Variants in PDILT observed in about 807,000 individuals in gnomAD.
The protein encoded by PDILT is protein disulfide-isomerase-like protein of the testis.
In PDILT, 43 loss-of-function variants were observed where a neutral mutation model predicts 53.7. That is an observed-to-expected ratio of 0.80 (90% CI 0.63 to 1.03). The LOEUF (loss-of-function observed/expected upper bound fraction) is 1.03. PDILT is among the 50% of genes least tolerant of loss of function. The pLI is 0.00. For missense variants in PDILT, 727 were observed against 712.3 expected, an observed-to-expected ratio of 1.02 and a Z score of -0.24; for synonymous variants, 282 against 274.2, an observed-to-expected ratio of 1.03 and a Z score of -0.28.
At chr16:20,371,926 T>C (rs1438057480) in intron 7 of PDILT, among the ~76,000 whole-genome samples, 1 of 152,210 alleles carries the variant, frequency 6.6e-6, no homozygotes, top group Non-Finnish European at 1.5e-5. Flanking sequence ...GAATGTAGCA[T>C]GACCATTACT....
chr16:20,367,026 T>TC lies in PDILT; in HGVS notation c.1117-1487dup, dbSNP rs1491482367. ...TTTATTTATTTCTCTCTCTCTTTCT[T>TC]CTTTCTTTCTTTCTTTCTTTCTTTC... On this transcript the variant is annotated intron_variant, in intron 8 of 11. Coordinates refer to ENST00000302451, the MANE Select transcript of PDILT (RefSeq NM_174924.2). Among the ~76,000 whole-genome samples, 35 of 4,536 alleles carry TC rather than the reference T, an allele frequency of 7.7e-3. 3 individuals carry two copies. The highest frequency in any genetic ancestry group is 0.042 in the South Asian group (6 of 142). 3.0% of individuals were successfully genotyped at this position (4,536 alleles called of 152,430 possible).
intron 2 of PDILT, among the ~76,000 whole-genome samples, chr16:20,397,469 T>A (rs1439143768): frequency 6.6e-6 from 1 of 152,138 alleles, no homozygotes; most frequent in Non-Finnish European, 1.5e-5. Flanking sequence ...TTCCCCATTT[T>A]ACAGTCAAGT....
At chr16:20,393,424 C>T (rs1407787751) in intron 2 of PDILT, among the ~76,000 whole-genome samples, 2 of 152,186 alleles carry the variant, frequency 1.3e-5, no homozygotes, top group African/African-American at 2.4e-5. Flanking sequence ...ATTGATGAAA[C>T]TTCAAGCAAC....
chr16:20,359,185 G>A lies in PDILT; in HGVS notation c.*134C>T. On this transcript the variant is annotated 3_prime_UTR_variant, in exon 12 of 12. Transcript: ENST00000302451. ...TAAAACAGAGCCAAGGACACTCAGA[G>A]GCTTTATTATCCACCCCTACCCCCG... 2 of 1,402,488 alleles carry A rather than the reference G, an allele frequency of 1.4e-6. No homozygotes were observed. Among genetic ancestry groups the A allele is most frequent in the South Asian group, 1.4e-5 (1 of 70,958 alleles). The allele number at this position is 1,402,488 out of a possible 1,614,324, so 86.9% of individuals were successfully genotyped here.
chr16:20,395,159 A>T (rs28378477), intron 2 of PDILT, among the ~76,000 whole-genome samples: 23,078 of 152,170 alleles, frequency 0.15, 2,247 homozygotes, highest in African/African-American at 0.27. Context: ...CTTGGATCTT[A>T]TGGCAAATAC....
At chr16:20,385,611 G>T (rs914425268) in intron 2 of PDILT, among the ~76,000 whole-genome samples, 5 of 151,972 alleles carry the variant, frequency 3.3e-5, no homozygotes, top group Non-Finnish European at 7.4e-5. Context: ...CAGGGTGAGG[G>T]ATCAAAAAAA....
chr16:20,376,791 T>G (rs568799440), intron 3 of PDILT, among the ~76,000 whole-genome samples: 11 of 152,292 alleles, frequency 7.2e-5, no homozygotes, highest in African/African-American at 2.6e-4. Flanking sequence ...ATGGTTGGTG[T>G]CAAGCACACA....
intron 8 of PDILT, among the ~76,000 whole-genome samples, chr16:20,368,601 TG>T (rs560266519): frequency 1.3e-3 from 147 of 110,674 alleles, no homozygotes; most frequent in African/African-American, 4.1e-3. Context: ...AGACTTTTTT[TG>T]GGGGGGTGGT....
At chr16:20,387,910 T>C (rs955325522) in intron 2 of PDILT, among the ~76,000 whole-genome samples, 5 of 152,064 alleles carry the variant, frequency 3.3e-5, no homozygotes, top group Non-Finnish European at 7.4e-5. Context: ...ATATGGAGAT[T>C]AGACAAAAAG....
In PDILT at chr16:20,399,247, G is replaced by A. The variant is rs766717071; in HGVS notation, c.54C>T (p.Val18=). ...CGGCGTTAACCTCTGGTGAGCTGTGGACAGCAGAGACACAAGCGGCCACCA... is the reference window on the plus strand; with the variant it reads ...CGGCGTTAACCTCTGGTGAGCTGTGAACAGCAGAGACACAAGCGGCCACCA... The part of the protein sequence containing the change: ...LLLVAACVSA[V]HSSPEVNAGV... The change falls in exon 2 of 12, where the codon GTC becomes GTT. Residue 18 remains valine, a synonymous_variant. Coordinates refer to ENST00000302451, the MANE Select transcript of PDILT (RefSeq NM_174924.2). 3.1e-6 allele frequency: 5 copies of A among 1,613,982 alleles called. No homozygotes were observed. The South Asian group carries it at 3.3e-5, about 11-fold the overall frequency.
At position 20,362,467 on chromosome 16, in the gene PDILT, G is replaced by A. The variant is rs1249377014; in HGVS notation, c.1353C>T (p.Asp451=). The change falls in exon 10 of 12, where the codon GAC becomes GAT. Residue 451 remains aspartate (D), a synonymous_variant. Transcript: ENST00000302451. The part of the protein sequence containing the change: ...IIAKIDVTAN[D]IQLMYLDRYP... ...ACCGGTCCAGGTACATCAGCTGAAT[G>A]TCATTTGCTGTGACATCGATCTTGG... 6.2e-7 allele frequency: 1 copy of A among 1,614,230 alleles called. No homozygotes were observed. The highest frequency in any genetic ancestry group is 2.2e-5 in the East Asian group (1 of 44,886).
intron 2 of PDILT, among the ~76,000 whole-genome samples, chr16:20,397,374 C>T (rs7195855): frequency 0.76 from 115,254 of 152,038 alleles, 46,379 homozygotes; most frequent in Non-Finnish European, 0.89. Flanking sequence ...AACACTTGAG[C>T]TCAAGAGAGC....
intron 11 of PDILT, among the ~76,000 whole-genome samples, chr16:20,359,909 T>G (rs1318852720): frequency 6.6e-6 from 1 of 152,202 alleles, no homozygotes; most frequent in Non-Finnish European, 1.5e-5. Flanking sequence ...GGACATTTTC[T>G]GGGACATCTA....
At position 20,384,835 on chromosome 16, in the gene PDILT, C is replaced by T; in HGVS notation, c.219G>A (p.Lys73=). 1 of 1,614,182 alleles carries T rather than the reference C, an allele frequency of 6.2e-7. No individual in the cohort carries two copies. Among genetic ancestry groups the T allele is most frequent in the Non-Finnish European group, 8.5e-7 (1 of 1,180,020 alleles). The change falls in exon 3 of 12, where the codon AAG becomes AAA. Residue 73 remains lysine (K), a synonymous_variant. Transcript: ENST00000302451. ...LMVLFHNPSS[K]QSRNLAEELG... ...GCTCTTCCGCCAAGTTCCTGGATTG[C>T]TTTGAGGATGGGTTGTCTGAAAGAG...
In PDILT at chr16:20,362,659, G is replaced by A. The variant is rs181060699; in HGVS notation, c.1238-77C>T. 71 of 1,394,984 alleles carry A rather than the reference G, an allele frequency of 5.1e-5. 1 individual carries two copies. Among genetic ancestry groups the A allele is most frequent in the Middle Eastern group, 1.8e-4 (1 of 5,474 alleles). 86.4% of individuals were successfully genotyped at this position (1,394,984 alleles called of 1,614,324 possible). ...CTGGCGCCACCCTACACATGGCATCGCTGTGTTCCACTTGTGGTCCTGCTG... is the reference window on the plus strand; with the variant it reads ...CTGGCGCCACCCTACACATGGCATCACTGTGTTCCACTTGTGGTCCTGCTG... On this transcript the variant is annotated intron_variant, in intron 9 of 11. Transcript: ENST00000302451.
intron 9 of PDILT, among the ~76,000 whole-genome samples, chr16:20,363,023 G>C (rs886986630): frequency 4.1e-5 from 5 of 120,666 alleles, no homozygotes; most frequent in African/African-American, 1.3e-4. Flanking sequence ...AATGAGCCGA[G>C]ATTGCGCCAC....
chr16:20,365,580 G>C, intron 8 of PDILT, 40 bp from the exon 9 acceptor site: 1 of 1,597,084 alleles, frequency 6.3e-7, no homozygotes, highest in Admixed American at 1.8e-5. Flanking sequence ...TCTTCATAAA[G>C]GGTCTTGAAG....
At chr16:20,384,289 C>T (rs983261901) in intron 3 of PDILT, among the ~76,000 whole-genome samples, 17 of 152,332 alleles carry the variant, frequency 1.1e-4, no homozygotes, top group South Asian at 4.1e-4. Flanking sequence ...TCACTAAACC[C>T]GTTTTCTTTC....
At chr16:20,388,706 A>G (rs1205100324) in intron 2 of PDILT, 2 of 152,254 alleles carry the variant, frequency 1.3e-5, no homozygotes, top group Non-Finnish European at 2.9e-5. Context: ...TGAGGTCAGG[A>G]GTTTGAGACC....
Sources: gnomAD v4.1 joint callset for allele counts (sites outside exome capture counted in the v4.1 genomes callset) on GRCh38, gnomAD v4.1.1 for gene constraint, MANE v1.5 for transcripts, NCBI Gene and HGNC (gene_info 2026-07-23, HGNC 2026-07-21) for gene names.